Variants in CSRNP3 observed in about 807,000 individuals in gnomAD.
CSRNP3 encodes cysteine/serine-rich nuclear protein 3.
In CSRNP3, 12 loss-of-function variants were observed where a neutral mutation model predicts 48.0. The ratio of observed to expected loss-of-function variants is 0.25; its 90% CI spans 0.16 to 0.41. The LOEUF is 0.41. Ranked by LOEUF, CSRNP3 falls within the 10% of genes least tolerant of loss-of-function variation. The probability of loss-of-function intolerance (pLI) is 1.00; values close to 1 mark genes in which losing one functional copy is unlikely to be tolerated. For missense variants in CSRNP3, 580 were observed against 724.4 expected (o/e 0.80, Z 2.29); for synonymous variants, 263 against 269.7 (o/e 0.98, Z 0.24).
intron 3 of CSRNP3, among the ~76,000 whole-genome samples, chr2:165,554,291 C>T (rs1242148161): frequency 1.3e-5 from 2 of 152,318 alleles, no homozygotes; most frequent in East Asian, 1.9e-4. Flanking sequence ...AGGACTTAGT[C>T]CTTAGACTGC....
At chr2:165,637,734 A>G (rs1488170769) in intron 4 of CSRNP3, among the ~76,000 whole-genome samples, 1 of 152,224 alleles carries the variant, frequency 6.6e-6, no homozygotes, top group Non-Finnish European at 1.5e-5. Context: ...TCAGAAAACT[A>G]TAGTGGAAGT....
At chr2:165,488,203 C>T (rs2105454435) in intron 1 of CSRNP3, among the ~76,000 whole-genome samples, 1 of 105,788 alleles carries the variant, frequency 9.5e-6, no homozygotes, top group South Asian at 3.8e-4. Context: ...CAAAGAAGGC[C>T]ATTACATGAT....
chr2:165,556,353 G>A (rs1275689220), intron 3 of CSRNP3, among the ~76,000 whole-genome samples: 1 of 152,186 alleles, frequency 6.6e-6, no homozygotes, highest in Non-Finnish European at 1.5e-5. Flanking sequence ...GCAAATCCAA[G>A]TGGTGAAACA....
intron 3 of CSRNP3, among the ~76,000 whole-genome samples, chr2:165,553,680 C>T (rs35717196): frequency 0.065 from 9,830 of 152,186 alleles, 402 homozygotes; most frequent in Middle Eastern, 0.099. Context: ...CATAGGCTTT[C>T]CCACAAAATT....
At chr2:165,589,436 A>G (rs997163655) in intron 3 of CSRNP3, among the ~76,000 whole-genome samples, 1 of 152,216 alleles carries the variant, frequency 6.6e-6, no homozygotes, top group African/African-American at 2.4e-5. Flanking sequence ...CAGGTATTCT[A>G]CTTCATTGCT....
intron 5 of CSRNP3, among the ~76,000 whole-genome samples, chr2:165,663,339 T>C (rs1470465181): frequency 6.6e-6 from 1 of 152,194 alleles, no homozygotes; most frequent in Non-Finnish European, 1.5e-5. Flanking sequence ...TTCTGTTAGA[T>C]TGTAGAGATT....
At chr2:165,634,122 T>G (rs1040210442) in intron 4 of CSRNP3, among the ~76,000 whole-genome samples, 1 of 152,176 alleles carries the variant, frequency 6.6e-6, no homozygotes, top group Admixed American at 6.5e-5. Context: ...GCGGATCTCT[T>G]GAGCCCAGGA....
At chr2:165,492,645 T>C (rs1558915597) in intron 1 of CSRNP3, among the ~76,000 whole-genome samples, 3 of 151,032 alleles carry the variant, frequency 2.0e-5, no homozygotes, top group East Asian at 3.9e-4. Context: ...ATGATGTTTA[T>C]ATATTTAATT....
intron 4 of CSRNP3, among the ~76,000 whole-genome samples, chr2:165,621,860 A>G (rs1465759113): frequency 6.6e-6 from 1 of 152,030 alleles, no homozygotes; most frequent in Admixed American, 6.6e-5. Flanking sequence ...TTTCCACTTG[A>G]TATTTCTACC....
intron 4 of CSRNP3, among the ~76,000 whole-genome samples, chr2:165,623,757 A>T (rs1004226320): frequency 6.6e-6 from 1 of 151,848 alleles, no homozygotes; most frequent in African/African-American, 2.4e-5. Context: ...GTCACTGAGG[A>T]CTCTCCCTCC....
chr2:165,570,805 A>G (rs1237400871), intron 3 of CSRNP3, among the ~76,000 whole-genome samples: 1 of 152,008 alleles, frequency 6.6e-6, no homozygotes, highest in Admixed American at 6.6e-5. Flanking sequence ...CAAATGCATT[A>G]AAATGGTGGT....
intron 5 of CSRNP3, among the ~76,000 whole-genome samples, chr2:165,672,809 C>A (rs1687352759): frequency 6.6e-6 from 1 of 152,164 alleles, no homozygotes; most frequent in African/African-American, 2.4e-5. Flanking sequence ...AGCATTTGAA[C>A]TCAGTAGTTT....
chr2:165,646,748 G>A (rs1315644689), intron 4 of CSRNP3, among the ~76,000 whole-genome samples: 1 of 152,070 alleles, frequency 6.6e-6, no homozygotes, highest in Non-Finnish European at 1.5e-5. Flanking sequence ...TTGACATCAG[G>A]AGAATTGCTG....
chr2:165,490,078 C>G (rs1684182095), intron 1 of CSRNP3, among the ~76,000 whole-genome samples: 1 of 151,212 alleles, frequency 6.6e-6, no homozygotes, highest in Non-Finnish European at 1.5e-5. Flanking sequence ...TCTCCTTAAG[C>G]TGATAAGCAA....
intron 4 of CSRNP3, among the ~76,000 whole-genome samples, chr2:165,619,716 G>A (rs1471951294): frequency 6.6e-6 from 1 of 152,100 alleles, no homozygotes; most frequent in Admixed American, 6.6e-5. Context: ...TTTTAACCTG[G>A]TATATTTCCC....
intron 2 of CSRNP3, among the ~76,000 whole-genome samples, chr2:165,509,316 C>T (rs534414767): frequency 4.1e-4 from 62 of 151,996 alleles, no homozygotes; most frequent in Non-Finnish European, 7.9e-4. Context: ...GGGAGTAGGC[C>T]ATGTAATATG....
intron 3 of CSRNP3, among the ~76,000 whole-genome samples, chr2:165,518,788 A>G (rs1484805544): frequency 6.6e-6 from 1 of 151,942 alleles, no homozygotes; most frequent in Non-Finnish European, 1.5e-5. Flanking sequence ...TCTATTTCTC[A>G]TTCTTCCAAG....
intron 5 of CSRNP3, among the ~76,000 whole-genome samples, chr2:165,668,761 G>T (rs1687278940): frequency 6.6e-6 from 1 of 152,014 alleles, no homozygotes; most frequent in African/African-American, 2.4e-5. Context: ...TTTATCTCTT[G>T]CCCCACAGCA....
intron 4 of CSRNP3, among the ~76,000 whole-genome samples, chr2:165,635,836 G>T (rs1168994638): frequency 6.6e-6 from 1 of 152,102 alleles, no homozygotes; most frequent in African/African-American, 2.4e-5. Flanking sequence ...GGTAGTCAGT[G>T]CATGACAAAC....
Sources: allele counts gnomAD v4.1 joint callset (sites outside exome capture counted in the v4.1 genomes callset), GRCh38; gene constraint gnomAD v4.1.1; transcripts MANE v1.5; gene names NCBI Gene and HGNC (gene_info 2026-07-23, HGNC 2026-07-21).